The following CPNE4 variants were observed in gnomAD, a reference collection of about 807,000 sequenced individuals.
The protein encoded by CPNE4 is copine-4.
CPNE4 carries 25 observed loss-of-function variants against 67.9 expected under a neutral mutation model. That is an observed-to-expected ratio of 0.37 (90% CI 0.27 to 0.51). The LOEUF (loss-of-function observed/expected upper bound fraction) is 0.51, where lower values mean the gene tolerates loss of function less well. Ranked by LOEUF, CPNE4 falls within the 20% of genes least tolerant of loss-of-function variation. CPNE4 has a pLI of 0.93. For synonymous variants in CPNE4, 242 were observed against 244.9 expected (o/e 0.99, Z 0.11); for missense variants, 464 against 690.8 (o/e 0.67, Z 3.68).
chr3:131,758,254 A>G (rs995174599), intron 2 of CPNE4, among the ~76,000 whole-genome samples: 1 of 152,212 alleles, frequency 6.6e-6, no homozygotes, highest in Non-Finnish European at 1.5e-5. Flanking sequence ...ATACCCTGCA[A>G]AGCCACAGGG....
intron 2 of CPNE4, among the ~76,000 whole-genome samples, chr3:131,819,585 G>A (rs996262755): frequency 1.3e-5 from 2 of 151,780 alleles, no homozygotes; most frequent in Non-Finnish European, 2.9e-5. Context: ...ATGTTCCCTA[G>A]GAGTGAGAAG....
chr3:131,888,340 AT>A (rs979218301), intron 2 of CPNE4, among the ~76,000 whole-genome samples: 1 of 151,984 alleles, frequency 6.6e-6, no homozygotes, highest in Non-Finnish European at 1.5e-5. Context: ...AGGTAACAAA[AT>A]TTTGTTCCTT....
At chr3:131,833,694 G>C (rs1329790039) in intron 2 of CPNE4, among the ~76,000 whole-genome samples, 1 of 152,152 alleles carries the variant, frequency 6.6e-6, no homozygotes, top group Non-Finnish European at 1.5e-5. Flanking sequence ...GCGAAACCTT[G>C]TCTCAAAATA....
chr3:131,866,817 A>G (rs2086973330), intron 2 of CPNE4, among the ~76,000 whole-genome samples: 1 of 152,228 alleles, frequency 6.6e-6, no homozygotes, highest in Non-Finnish European at 1.5e-5. Flanking sequence ...ACTATTTCTC[A>G]CTTAGCACAG....
intron 3 of CPNE4, among the ~76,000 whole-genome samples, chr3:131,708,983 T>TATATATATATATATATAC (rs1184349535): frequency 1.0e-5 from 1 of 97,440 alleles, no homozygotes; most frequent in African/African-American, 4.4e-5. Flanking sequence ...TATATATATA[T>TATATATATATATATATAC]ATATATATAT....
intron 6 of CPNE4, among the ~76,000 whole-genome samples, chr3:131,676,423 T>C (rs2080569755): frequency 6.6e-6 from 1 of 152,126 alleles, no homozygotes; most frequent in Non-Finnish European, 1.5e-5. Flanking sequence ...TGTGCAGGTT[T>C]GTTACATAAG....
At chr3:131,736,756 T>G (rs17294289) in intron 2 of CPNE4, among the ~76,000 whole-genome samples, 1 of 151,920 alleles carries the variant, frequency 6.6e-6, no homozygotes. Context: ...TTGCAATAGG[T>G]TGAGTACTAG....
At chr3:132,010,777 C>T (rs2073741110) in intron 1 of CPNE4, among the ~76,000 whole-genome samples, 1 of 152,220 alleles carries the variant, frequency 6.6e-6, no homozygotes, top group Non-Finnish European at 1.5e-5. Context: ...TGACACCCCT[C>T]CTCCCACTTT....
intron 6 of CPNE4, 144 bp from the exon 7 acceptor site, chr3:131,669,908 G>A: frequency 1.5e-6 from 1 of 666,690 alleles, no homozygotes; most frequent in Non-Finnish European, 2.6e-6. Context: ...AAAACTTGAT[G>A]TAGTAAATCT....
At chr3:131,548,281 G>A (rs11925273) in intron 14 of CPNE4, among the ~76,000 whole-genome samples, 23,670 of 151,986 alleles carry the variant, frequency 0.16, 1,961 homozygotes, top group African/African-American at 0.21. Context: ...CTTTATATGC[G>A]TTCTTTAAGT....
At chr3:131,652,698 T>G (rs1211435063) in intron 7 of CPNE4, among the ~76,000 whole-genome samples, 2 of 152,226 alleles carry the variant, frequency 1.3e-5, no homozygotes, top group African/African-American at 4.8e-5. Context: ...AGCACTTACA[T>G]GCATGTACAC....
chr3:131,945,142 C>T (rs555467116), intron 1 of CPNE4, among the ~76,000 whole-genome samples: 2 of 152,204 alleles, frequency 1.3e-5, no homozygotes, highest in South Asian at 2.1e-4. Context: ...TATGTGTTAA[C>T]AGAAAAAGAA....
At chr3:131,804,845 G>A (rs1267920241) in intron 2 of CPNE4, among the ~76,000 whole-genome samples, 4 of 152,172 alleles carry the variant, frequency 2.6e-5, no homozygotes, top group East Asian at 3.9e-4. Flanking sequence ...TGTCATCAGC[G>A]AGGCCTTATC....
intron 1 of CPNE4, among the ~76,000 whole-genome samples, chr3:131,995,702 T>A (rs1041111761): frequency 6.6e-6 from 1 of 152,224 alleles, no homozygotes; most frequent in Non-Finnish European, 1.5e-5. Context: ...ACCTCCTTCA[T>A]GGACTACCTA....
intron 2 of CPNE4, among the ~76,000 whole-genome samples, chr3:131,850,846 T>A (rs2086213400): frequency 6.6e-6 from 1 of 152,110 alleles, no homozygotes; most frequent in Non-Finnish European, 1.5e-5. Context: ...ATACATCTAG[T>A]AAGTAACAGA....
chr3:131,646,920 A>T (rs2079682672), intron 7 of CPNE4, among the ~76,000 whole-genome samples: 1 of 152,162 alleles, frequency 6.6e-6, no homozygotes, highest in African/African-American at 2.4e-5. Flanking sequence ...ATCACTGTGG[A>T]TCATGCAGAG....
intron 2 of CPNE4, among the ~76,000 whole-genome samples, chr3:131,807,370 T>C (rs113972569): frequency 2.0e-5 from 3 of 152,208 alleles, no homozygotes; most frequent in Admixed American, 6.5e-5. Context: ...TATAATTTTA[T>C]ACTTTTTAAA....
At chr3:131,901,912 T>C (rs1454242041) in intron 2 of CPNE4, among the ~76,000 whole-genome samples, 1 of 152,098 alleles carries the variant, frequency 6.6e-6, no homozygotes, top group Non-Finnish European at 1.5e-5. Flanking sequence ...CTCAGGAGAC[T>C]ATATAAGCTG....
intron 3 of CPNE4, among the ~76,000 whole-genome samples, chr3:131,712,139 G>T (rs142312632): frequency 6.6e-6 from 1 of 152,136 alleles, no homozygotes; most frequent in African/African-American, 2.4e-5. Flanking sequence ...CAATGTTTAC[G>T]TGTCTTACTC....
Sources: allele counts gnomAD v4.1 joint callset (sites outside exome capture counted in the v4.1 genomes callset), GRCh38; gene constraint gnomAD v4.1.1; transcripts MANE v1.5; gene names NCBI Gene and HGNC (gene_info 2026-07-23, HGNC 2026-07-21).